The following PDE10A variants were observed in gnomAD, a reference collection of about 807,000 sequenced individuals.
The protein encoded by PDE10A is phosphodiesterase 10A, also known as cAMP and cAMP-inhibited cGMP 3',5'-cyclic phosphodiesterase 10A.
PDE10A carries 39 observed loss-of-function variants against 97.7 expected under a neutral mutation model. The observed-to-expected ratio is 0.40, with a 90% CI of 0.31 to 0.52. The LOEUF (loss-of-function observed/expected upper bound fraction) is 0.52. PDE10A is among the 20% of genes least tolerant of loss of function. PDE10A has a pLI of 0.56. For missense variants in PDE10A, 731 were observed against 1,047.8 expected (o/e 0.70, Z 4.17); for synonymous variants, 371 against 376.8 (o/e 0.98, Z 0.18).
intron 16 of PDE10A, among the ~76,000 whole-genome samples, chr6:165,391,067 T>C (rs895614022): frequency 6.6e-6 from 1 of 152,138 alleles, no homozygotes; most frequent in Non-Finnish European, 1.5e-5. Flanking sequence ...ATTTTTAAAA[T>C]TCATGTGACT....
At chr6:165,354,455 GAGTTAAGATATAAA>G (rs1442534564) in intron 18 of PDE10A, among the ~76,000 whole-genome samples, 2 of 152,014 alleles carry the variant, frequency 1.3e-5, no homozygotes, top group African/African-American at 4.8e-5. Context: ...AGAAAATAAG[GAGTTAAGATATAAA>G]AGCCACTCCA....
At chr6:165,561,036 G>A (rs547776081) in intron 1 of PDE10A, among the ~76,000 whole-genome samples, 13 of 152,066 alleles carry the variant, frequency 8.5e-5, no homozygotes, top group South Asian at 2.1e-4. Context: ...TGGCTAACAC[G>A]GTGAAACCCT....
intron 1 of PDE10A, among the ~76,000 whole-genome samples, chr6:165,926,484 C>T (rs996654822): frequency 6.6e-6 from 1 of 152,180 alleles, no homozygotes; most frequent in Admixed American, 6.5e-5. Flanking sequence ...AACAAAAGAA[C>T]AAAATGTTCG....
chr6:165,689,664 G>A (rs377122770), intron 1 of PDE10A, among the ~76,000 whole-genome samples: 189 of 152,220 alleles, frequency 1.2e-3, no homozygotes, highest in African/African-American at 4.4e-3. Flanking sequence ...CTCTTCCGCC[G>A]TGAGCGGAAG....
chr6:165,984,885 CTTTG>C (rs1658584821), intron 1 of PDE10A, among the ~76,000 whole-genome samples: 1 of 152,202 alleles, frequency 6.6e-6, no homozygotes, highest in African/African-American at 2.4e-5. Context: ...GGAACCCGTC[CTTTG>C]TTTGGAAACG....
At chr6:165,869,497 A>G (rs887228657) in intron 1 of PDE10A, among the ~76,000 whole-genome samples, 4 of 152,190 alleles carry the variant, frequency 2.6e-5, no homozygotes, top group Non-Finnish European at 2.9e-5. Context: ...GAAAGAATTA[A>G]TGTTGTTAAA....
chr6:165,692,742 T>A (rs1314932957), intron 1 of PDE10A, among the ~76,000 whole-genome samples: 1 of 152,190 alleles, frequency 6.6e-6, no homozygotes, highest in African/African-American at 2.4e-5. Context: ...AAAATGTGTA[T>A]TTAGAAATTA....
chr6:165,892,018 A>T (rs1781815704), intron 1 of PDE10A, among the ~76,000 whole-genome samples: 1 of 151,422 alleles, frequency 6.6e-6, no homozygotes, highest in Non-Finnish European at 1.5e-5. Flanking sequence ...TCCTAGTAAA[A>T]CTCGATTCTC....
At chr6:165,618,467 C>T (rs1787827191) in intron 1 of PDE10A, among the ~76,000 whole-genome samples, 1 of 152,166 alleles carries the variant, frequency 6.6e-6, no homozygotes, top group Admixed American at 6.5e-5. Flanking sequence ...CAGCCTTCCT[C>T]TTCTCCAGGC....
intron 1 of PDE10A, among the ~76,000 whole-genome samples, chr6:165,814,209 G>A (rs1779351247): frequency 6.6e-6 from 1 of 152,196 alleles, no homozygotes; most frequent in East Asian, 1.9e-4. Context: ...GTGTGGGAAT[G>A]TGTGATCCAG....
intron 1 of PDE10A, among the ~76,000 whole-genome samples, chr6:165,800,015 C>G (rs192416861): frequency 1.3e-5 from 2 of 152,306 alleles, no homozygotes; most frequent in African/African-American, 2.4e-5. Context: ...AGTGGAAGCC[C>G]TGGAATTTTA....
intron 1 of PDE10A, among the ~76,000 whole-genome samples, chr6:165,580,148 G>A (rs1390040513): frequency 8.5e-5 from 13 of 152,146 alleles, no homozygotes; most frequent in East Asian, 1.9e-4. Flanking sequence ...TTAGAACAGT[G>A]CCTGCTCAAT....
chr6:165,470,545 A>G (rs560360072), intron 3 of PDE10A, among the ~76,000 whole-genome samples: 63 of 152,354 alleles, frequency 4.1e-4, no homozygotes, highest in African/African-American at 1.4e-3. Flanking sequence ...ATTAAAAATT[A>G]AAAGCCAGAT....
chr6:165,550,470 T>C (rs1352746244), intron 1 of PDE10A, among the ~76,000 whole-genome samples: 1 of 152,206 alleles, frequency 6.6e-6, no homozygotes, highest in East Asian at 1.9e-4. Context: ...TATTAATTAC[T>C]GAACTATAAT....
chr6:165,479,912 T>A (rs890192880), intron 3 of PDE10A, among the ~76,000 whole-genome samples: 1 of 152,172 alleles, frequency 6.6e-6, no homozygotes, highest in Non-Finnish European at 1.5e-5. Flanking sequence ...CAAAGCTCAA[T>A]AACCAGAAAT....
In PDE10A at chr6:165,372,679, A is replaced by T. The variant is rs1218607870; in HGVS notation, c.2783+6515T>A. Among the ~76,000 whole-genome samples, 6 of 147,922 alleles carry T rather than the reference A, an allele frequency of 4.1e-5. No individual in the cohort carries two copies. In the East Asian group the frequency reaches 1.2e-3, roughly 29 times the overall value. ...CAAGGTAATTTATAGATTCAATGCC[A>T]TCCCCATCAAGCTACCAATGACTTT... On this transcript the variant is annotated intron_variant, in intron 18 of 21. Coordinates refer to ENST00000539869, the MANE Select transcript of PDE10A (RefSeq NM_001385079.1).
intron 1 of PDE10A, among the ~76,000 whole-genome samples, chr6:165,839,875 G>C (rs1184846383): frequency 3.7e-3 from 14 of 3,798 alleles, no homozygotes; most frequent in Non-Finnish European, 5.7e-3. Context: ...ATTCCCATCT[G>C]CACCTCTGTC....
chr6:165,913,608 G>T (rs1210344515), intron 1 of PDE10A, among the ~76,000 whole-genome samples: 1 of 152,118 alleles, frequency 6.6e-6, no homozygotes, highest in Non-Finnish European at 1.5e-5. Flanking sequence ...ATGCAGGACT[G>T]GCGTTTATGG....
chr6:165,633,669 C>T (rs1173390929), intron 1 of PDE10A, among the ~76,000 whole-genome samples: 1 of 152,030 alleles, frequency 6.6e-6, no homozygotes, highest in Non-Finnish European at 1.5e-5. Flanking sequence ...CTCAGGTCAC[C>T]CAGGCTGGAG....
Sources: allele counts gnomAD v4.1 joint callset (sites outside exome capture counted in the v4.1 genomes callset), GRCh38; gene constraint gnomAD v4.1.1; transcripts MANE v1.5; gene names NCBI Gene and HGNC (gene_info 2026-07-23, HGNC 2026-07-21).